Variants in CELSR1 observed in about 807,000 individuals in gnomAD.
CELSR1 encodes cadherin EGF LAG seven-pass G-type receptor 1, also known as adhesion G protein-coupled receptor C1.
CELSR1 carries 110 observed loss-of-function variants against 249.1 expected under a neutral mutation model. The observed-to-expected ratio is 0.44, with a 90% CI of 0.38 to 0.52. The LOEUF is 0.52. CELSR1 is among the 20% of genes least tolerant of loss of function. CELSR1 has a pLI of 0.00. For missense variants in CELSR1, 4,109 were observed against 4,296.4 expected, an observed-to-expected ratio of 0.96 and a Z score of 1.22; for synonymous variants, 2,113 against 1,900.0, an observed-to-expected ratio of 1.11 and a Z score of -2.92.
At position 46,534,444 on chromosome 22, in the gene CELSR1, G is replaced by T; in HGVS notation, c.2727C>A (p.Thr909=). 6.2e-7 allele frequency: 1 copy of T among 1,612,992 alleles called. No individual in the cohort carries two copies. Among genetic ancestry groups the T allele is most frequent in the African/African-American group, 1.3e-5 (1 of 75,050 alleles). Residue 909 remains threonine (T), a synonymous_variant, in exon 1 of 35, where the codon ACC becomes ACA. Coordinates refer to ENST00000674500, the MANE Select transcript of CELSR1 (RefSeq NM_001378328.1). The surrounding 1 kb of genome is among the most constrained non-coding windows in gnomAD (Gnocchi z 9.7). ...CCGTGGCAGAGACCTGGAGGATGCT[G>T]GTCGAGGGTGGAGCATCCTCAAAGA... is the stretch of plus-strand genomic sequence containing the variant. ...GSIFEDAPPS[T]SILQVSATDR...
At chr22:46,378,952 T>C (rs1176312269) in intron 22 of CELSR1, among the ~76,000 whole-genome samples, 1 of 152,178 alleles carries the variant, frequency 6.6e-6, no homozygotes, top group Non-Finnish European at 1.5e-5. Context: ...GCAGCCTCAC[T>C]GCCGCGGAGG....
chr22:46,536,395 G>C lies in CELSR1; in HGVS notation c.776C>G (p.Pro259Arg). 6.2e-7 allele frequency: 1 copy of C among 1,612,302 alleles called. No homozygotes were observed. The highest frequency in any genetic ancestry group is 8.5e-7 in the Non-Finnish European group (1 of 1,179,508). ...NYQVALFENE[P>R]AGTLILQLHA... The stretch of plus-strand genomic sequence containing the variant: ...CAGCTGGAGGATGAGGGTGCCCGCC[G>C]GTTCGTTCTCAAACAACGCCACCTG... The change falls in exon 1 of 35, where the codon CCG (proline) becomes CGG (arginine). Residue 259 changes from proline to arginine, a missense_variant. Physicochemically the swap from Pro to Arg is moderately radical, Grantham distance 103. Around this residue, in one of 7 missense-constraint regions of CELSR1, gnomAD observed 673 missense variants for 636.8 expected, o/e 1.06. Coordinates refer to ENST00000674500, the MANE Select transcript of CELSR1 (RefSeq NM_001378328.1).
At chr22:46,528,600 T>C (rs1009476270) in intron 1 of CELSR1, among the ~76,000 whole-genome samples, 1 of 152,192 alleles carries the variant, frequency 6.6e-6, no homozygotes, top group Non-Finnish European at 1.5e-5. Context: ...AAAAGAAATG[T>C]GGTACATATA....
chr22:46,495,662 C>T (rs540441375), intron 1 of CELSR1, among the ~76,000 whole-genome samples: 1 of 151,640 alleles, frequency 6.6e-6, no homozygotes, highest in African/African-American at 2.4e-5. Context: ...ATGACGAAAC[C>T]CTGTTTAGCC....
Position 46,428,865 on chromosome 22 carries a change from C to T in CELSR1, c.4611+4528G>A, listed in dbSNP as rs2079563991. ...GTCAGGCACTACCTCCCCTGCATGTCCCTGCCTCCCCAGCTGGCCAGGAGA... is the reference window on the plus strand; with the variant it reads ...GTCAGGCACTACCTCCCCTGCATGTTCCTGCCTCCCCAGCTGGCCAGGAGA... On this transcript the variant is annotated intron_variant, in intron 5 of 34. Transcript: ENST00000674500. This position sits in a 1 kb window ranked among gnomAD's most constrained non-coding sequence, Gnocchi z 5.7. Among the ~76,000 whole-genome samples, 1 of 152,212 alleles carries T rather than the reference C, an allele frequency of 6.6e-6. No individual in the cohort carries two copies. The highest frequency in any genetic ancestry group is 2.1e-4 in the South Asian group (1 of 4,834).
Position 46,446,854 on chromosome 22 carries a change from G to A in CELSR1, c.4184-7443C>T, listed in dbSNP as rs1432983355. On this transcript the variant is annotated intron_variant, in intron 2 of 34. Transcript: ENST00000674500. The surrounding 1 kb of genome is among the most constrained non-coding windows in gnomAD (Gnocchi z 5.5). ...TAATAAAGGACCATGAGAACCAAGA[G>A]CAACTGGGTTCTGGATGAACTGGAC... 1.3e-5 allele frequency among the ~76,000 whole-genome samples: 2 copies of A among 152,046 alleles called. No individual in the cohort carries two copies. Among genetic ancestry groups the A allele is most frequent in the Non-Finnish European group, 2.9e-5 (2 of 68,010 alleles).
In CELSR1 at chr22:46,393,043, G is replaced by A. The variant is rs1485691692; in HGVS notation, c.5964+1099C>T. On this transcript the variant is annotated intron_variant, in intron 14 of 34. Transcript: ENST00000674500. This position sits in a 1 kb window ranked among gnomAD's most constrained non-coding sequence, Gnocchi z 4.1. ...AGTCCCATTTGCTGTTGGAACCACCGCAGGCACTGGGGGGGGACACTACTG... is the reference window on the plus strand; with the variant it reads ...AGTCCCATTTGCTGTTGGAACCACCACAGGCACTGGGGGGGGACACTACTG... 6.6e-6 allele frequency among the ~76,000 whole-genome samples: 1 copy of A among 152,156 alleles called. No homozygotes were observed. The highest frequency in any genetic ancestry group is 1.5e-5 in the Non-Finnish European group (1 of 68,022).
rs1241404891 is a variant in CELSR1 at position 46,412,682 on chromosome 22, C to A, written c.4612-923G>T. Among the ~76,000 whole-genome samples the A allele has an allele frequency of 6.6e-6, 1 of 152,174 alleles. No individual in the cohort carries two copies. The highest frequency in any genetic ancestry group is 1.9e-4 in the East Asian group (1 of 5,194). On this transcript the variant is annotated intron_variant, in intron 5 of 34. Transcript: ENST00000674500. The surrounding 1 kb of genome is among the most constrained non-coding windows in gnomAD (Gnocchi z 4.5). ...GGTCAGTCCCTCCCAGGACACGAAGCATATCCACCCAGCCAGCCTCAGACG... is the reference window on the plus strand; with the variant it reads ...GGTCAGTCCCTCCCAGGACACGAAGAATATCCACCCAGCCAGCCTCAGACG...
intron 4 of CELSR1, among the ~76,000 whole-genome samples, chr22:46,435,097 A>G (rs541390347): frequency 2.4e-4 from 36 of 152,030 alleles, no homozygotes; most frequent in Non-Finnish European, 4.6e-4. Flanking sequence ...CAACTGGAAT[A>G]ACATGTTTAA....
rs1386393552 is a variant in CELSR1 at position 46,534,252 on chromosome 22, C to A, written c.2919G>T (p.Arg973=). Residue 973 remains arginine (R), a synonymous_variant, in exon 1 of 35, where the codon CGG becomes CGT. Transcript: ENST00000674500. The surrounding 1 kb of genome is among the most constrained non-coding windows in gnomAD (Gnocchi z 9.7). ...VYNLWALAVD[R]GSPTPLSASV... is the part of the protein sequence containing the mutation. ...AGGCGCTAAGGGGAGTGGGACTGCC[C>A]CGATCCACAGCCAGAGCCCAAAGGT... is the stretch of plus-strand genomic sequence containing the variant. The A allele has an allele frequency of 1.2e-6, 2 of 1,613,568 alleles. No individual in the cohort carries two copies. The highest frequency in any genetic ancestry group is 2.2e-5 in the South Asian group (2 of 91,086).
rs534227875 is a variant in CELSR1 at position 46,407,635 on chromosome 22, A to AAAAACATAAC, written c.5226+1360_5226+1361insGTTATGTTTT. ...CAACAAGAGCAAAACTTTATCTCAA[A>AAAAACATAAC]AAAACAAAACAAAACAAAACAAAAA... On this transcript the variant is annotated intron_variant, in intron 9 of 34. Transcript: ENST00000674500. The surrounding 1 kb of genome is among the most constrained non-coding windows in gnomAD (Gnocchi z 4.8). 1.1e-3 allele frequency among the ~76,000 whole-genome samples: 166 copies of AAAAACATAAC among 152,262 alleles called. 5 individuals are homozygous for AAAAACATAAC. The South Asian group carries it at 0.032, about 30-fold the overall frequency.
chr22:46,419,742 G>A (rs1354310928), intron 5 of CELSR1, among the ~76,000 whole-genome samples: 2 of 151,262 alleles, frequency 1.3e-5, no homozygotes, highest in African/African-American at 4.9e-5. Context: ...ACCCACACTC[G>A]TGCATACTCA....
At chr22:46,462,864 A>G (rs1222902118) in intron 2 of CELSR1, 4 of 463,374 alleles carry the variant, frequency 8.6e-6, no homozygotes, top group South Asian at 6.4e-5. Context: ...GTGATGAGTC[A>G]GGAGGTATCA....
In CELSR1 at chr22:46,409,213, G is replaced by A. The variant is rs373648359; in HGVS notation, c.5060-51C>T. On this transcript the variant is annotated intron_variant, in intron 8 of 34. Transcript: ENST00000674500. This position sits in a 1 kb window ranked among gnomAD's most constrained non-coding sequence, Gnocchi z 9.8. Reference sequence around the variant, plus strand: ...AGGTGTCTCCCGAAATCACACGGCCGCGGACTTGGCTGCAGGGGCGGGGGA... The same window carrying A: ...AGGTGTCTCCCGAAATCACACGGCCACGGACTTGGCTGCAGGGGCGGGGGA... 5.8e-4 allele frequency: 921 copies of A among 1,590,276 alleles called. 1 individual carries two copies. The highest frequency in any genetic ancestry group is 6.8e-4 in the Non-Finnish European group (791 of 1,168,444).
Position 46,512,610 on chromosome 22 carries a change from C to T in CELSR1, c.3544+21017G>A, listed in dbSNP as rs2080585277. On this transcript the variant is annotated intron_variant, in intron 1 of 34. Coordinates refer to ENST00000674500, the MANE Select transcript of CELSR1 (RefSeq NM_001378328.1). This position sits in a 1 kb window ranked among gnomAD's most constrained non-coding sequence, Gnocchi z 5.2. Reference sequence around the variant, plus strand: ...AATCAAGGCCCAATACTATGCATTGCCTTGACATCTGCTGAAGCCAGGAGG... The same window carrying T: ...AATCAAGGCCCAATACTATGCATTGTCTTGACATCTGCTGAAGCCAGGAGG... Among the ~76,000 whole-genome samples, 1 of 152,124 alleles carries T rather than the reference C, an allele frequency of 6.6e-6. No individual in the cohort carries two copies.
rs527573754 is a variant in CELSR1, at chr22:46,393,737, C to CAAAA, written c.5964+401_5964+404dup. ...TGGGCGACACAGCGAGACTCTGTCT[C>CAAAA]AAAAAAAAAAAAAAAAAGACCAGGA... On this transcript the variant is annotated intron_variant, in intron 14 of 34. Transcript: ENST00000674500. The surrounding 1 kb of genome is among the most constrained non-coding windows in gnomAD (Gnocchi z 4.1). Among the ~76,000 whole-genome samples the CAAAA allele has an allele frequency of 1.3e-5, 1 of 76,560 alleles. No individual in the cohort carries two copies. Among genetic ancestry groups the CAAAA allele is most frequent in the Non-Finnish European group, 2.6e-5 (1 of 38,180 alleles). The allele number at this position is 76,560 out of a possible 152,430, so 50.2% of individuals were successfully genotyped here.
chr22:46,465,082 C>T (rs888374114), intron 1 of CELSR1, among the ~76,000 whole-genome samples: 5 of 152,180 alleles, frequency 3.3e-5, no homozygotes, highest in African/African-American at 1.2e-4. Flanking sequence ...ACCTTGGTTG[C>T]AAAGTCGCAT....
rs140069149 is a variant in CELSR1, at chr22:46,439,346, T to C, written c.4249A>G (p.Thr1417Ala). The C allele has an allele frequency of 2.9e-4, 469 of 1,613,838 alleles. 2 individuals carry two copies. The highest frequency in any genetic ancestry group is 4.7e-4 in the Admixed American group (28 of 59,996). Residue 1417 changes from threonine (T) to alanine (A), a missense_variant, in exon 3 of 35, where the codon ACC becomes GCC. Physicochemically the swap from Thr to Ala is moderately conservative, Grantham distance 58. Transcript: ENST00000674500. ...CCGCCGATGAGCAGGTTCACGCAGG[T>C]GCCCCCGTTCTTGCACACCCCGTTG... is the stretch of plus-strand genomic sequence containing the variant. ...CANGVCKNGG[T>A]CVNLLIGGFH... is the part of the protein sequence containing the mutation.
chr22:46,430,311 G>T lies in CELSR1; in HGVS notation c.4611+3082C>A, dbSNP rs76327035. On this transcript the variant is annotated intron_variant, in intron 5 of 34. Coordinates refer to ENST00000674500, the MANE Select transcript of CELSR1 (RefSeq NM_001378328.1). This position sits in a 1 kb window ranked among gnomAD's most constrained non-coding sequence, Gnocchi z 4.6. ...TGTTTTCTTCATCATCCCCAAAAAT[G>T]CAAAAACCAAAACCAGCGAGGTGGT... Among the ~76,000 whole-genome samples the T allele has an allele frequency of 0.044, 6,687 of 152,288 alleles. 152 individuals are homozygous for T. Among genetic ancestry groups the T allele is most frequent in the Middle Eastern group, 0.085 (25 of 294 alleles).
Sources: allele counts gnomAD v4.1 joint callset (sites outside exome capture counted in the v4.1 genomes callset), GRCh38; gene constraint gnomAD v4.1.1; regional missense constraint gnomAD v4.1.1; non-coding constraint Gnocchi (gnomAD v3.1); transcripts MANE v1.5; gene names NCBI Gene and HGNC (gene_info 2026-07-23, HGNC 2026-07-21).